SPAG17: variants seen among roughly 807,000 people sequenced by gnomAD.
SPAG17 encodes the protein sperm associated antigen 17, also known as sperm-associated antigen 17.
A neutral mutation model predicts 273.6 loss-of-function variants in SPAG17; 169 were observed. The observed-to-expected ratio is 0.62, with a 90% CI of 0.55 to 0.70. The LOEUF (loss-of-function observed/expected upper bound fraction) is 0.70, where lower values mean the gene tolerates loss of function less well. SPAG17 is among the 30% of genes least tolerant of loss of function. The pLI, the probability that SPAG17 is intolerant of heterozygous loss-of-function variation, is 0.00. For missense variants in SPAG17, 2,557 were observed against 2,627.8 expected, an observed-to-expected ratio of 0.97 and a Z score of 0.59; for synonymous variants, 825 against 873.2, an observed-to-expected ratio of 0.94 and a Z score of 0.97.
At chr1:118,140,689 C>A (rs773367490) in intron 3 of SPAG17, among the ~76,000 whole-genome samples, 10 of 152,160 alleles carry the variant, frequency 6.6e-5, no homozygotes, top group African/African-American at 2.2e-4. Flanking sequence ...CACCTGGATA[C>A]CCCCAGTGGC....
intron 3 of SPAG17, among the ~76,000 whole-genome samples, chr1:118,147,126 T>C (rs923077690): frequency 4.6e-5 from 7 of 152,208 alleles, no homozygotes; most frequent in Non-Finnish European, 8.8e-5. Context: ...CATATACATT[T>C]TGTCCTTTTT....
intron 1 of SPAG17, among the ~76,000 whole-genome samples, chr1:118,161,329 T>G (rs1337795994): frequency 1.3e-5 from 2 of 152,124 alleles, no homozygotes; most frequent in African/African-American, 2.4e-5. Flanking sequence ...AGTGGAGACC[T>G]GTCATAGGGT....
intron 20 of SPAG17, among the ~76,000 whole-genome samples, chr1:118,043,113 C>T (rs1038677597): frequency 3.2e-4 from 48 of 151,992 alleles, no homozygotes; most frequent in African/African-American, 1.1e-3. Flanking sequence ...AAAACATGCT[C>T]AAATAAATAA....
chr1:117,957,366 C>T (rs1437958444), intron 48 of SPAG17, among the ~76,000 whole-genome samples: 1 of 152,154 alleles, frequency 6.6e-6, no homozygotes, highest in African/African-American at 2.4e-5. Flanking sequence ...TGCTTGAGCC[C>T]AGAAGTTTGC....
intron 25 of SPAG17, among the ~76,000 whole-genome samples, chr1:118,029,531 T>A (rs1157128971): frequency 6.6e-6 from 1 of 152,210 alleles, no homozygotes; most frequent in African/African-American, 2.4e-5. Flanking sequence ...ACATACTGCT[T>A]TTGTAGCAAA....
chr1:118,076,088 T>G (rs943311599), intron 15 of SPAG17, among the ~76,000 whole-genome samples: 1 of 152,054 alleles, frequency 6.6e-6, no homozygotes, highest in African/African-American at 2.4e-5. Flanking sequence ...TCAGTAAATA[T>G]TTCCTTTTGA....
At chr1:118,179,141 A>G (rs1570837957) in intron 1 of SPAG17, among the ~76,000 whole-genome samples, 1 of 152,102 alleles carries the variant, frequency 6.6e-6, no homozygotes, top group Non-Finnish European at 1.5e-5. Flanking sequence ...CAGGAGAACC[A>G]AAGGATTCTT....
intron 18 of SPAG17, among the ~76,000 whole-genome samples, chr1:118,056,200 G>A (rs1651655836): frequency 6.6e-6 from 1 of 152,094 alleles, no homozygotes; most frequent in Non-Finnish European, 1.5e-5. Context: ...TCTTTCCACT[G>A]AAGTGAAGGA....
rs187679318 is a variant in SPAG17, at chr1:118,035,025, C to T, written c.3433+1745G>A. ...GGATACTAAATTATGTTTAGCTGTG[C>T]CTACCCAATTAAAGGGGGAGAACTG... On this transcript the variant is annotated intron_variant, in intron 24 of 48. Coordinates refer to ENST00000336338, the MANE Select transcript of SPAG17 (RefSeq NM_206996.4). Among the ~76,000 whole-genome samples the T allele has an allele frequency of 1.4e-3, 206 of 152,088 alleles. 2 individuals are homozygous for T. The highest frequency in any genetic ancestry group is 3.4e-3 in the Middle Eastern group (1 of 294).
At chr1:118,116,339 T>G (rs1935995) in intron 3 of SPAG17, among the ~76,000 whole-genome samples, 9,340 of 152,284 alleles carry the variant, frequency 0.061, 447 homozygotes, top group East Asian at 0.26. Context: ...AGTTGAAGTA[T>G]TTTTTGACTT....
chr1:118,135,723 G>A (rs1480664266), intron 3 of SPAG17, among the ~76,000 whole-genome samples: 3 of 152,134 alleles, frequency 2.0e-5, no homozygotes, highest in African/African-American at 7.2e-5. Flanking sequence ...AAATTTCTGA[G>A]GCCAAATGTG....
In SPAG17 at chr1:117,970,131, G is replaced by A; in HGVS notation, c.6327-15C>T. 6.2e-7 allele frequency: 1 copy of A among 1,606,660 alleles called. No individual in the cohort carries two copies. Among genetic ancestry groups the A allele is most frequent in the East Asian group, 2.2e-5 (1 of 44,800 alleles). On this transcript the variant is annotated splice_polypyrimidine_tract_variant and intron_variant, in intron 45 of 48. Coordinates refer to ENST00000336338, the MANE Select transcript of SPAG17 (RefSeq NM_206996.4). The stretch of plus-strand genomic sequence containing the variant: ...TTACTTTAAACCTACAAGGCAGAAA[G>A]ATAAAAATAAATTTATGACATAATG...
In SPAG17 at chr1:117,953,951, G is replaced by C; in HGVS notation, c.*99C>G. 2.0e-6 allele frequency: 3 copies of C among 1,465,536 alleles called. No homozygotes were observed. Among genetic ancestry groups the C allele is most frequent in the Non-Finnish European group, 2.8e-6 (3 of 1,066,074 alleles). 90.8% of individuals were successfully genotyped at this position (1,465,536 alleles called of 1,614,324 possible). On this transcript the variant is annotated 3_prime_UTR_variant, in exon 49 of 49. Coordinates refer to ENST00000336338, the MANE Select transcript of SPAG17 (RefSeq NM_206996.4). ...TCTGGTCAGTTCTTCCAGTTTCAGT[G>C]TCCTGGGATGATGGAGTATGTTGTG...
At chr1:118,035,012 A>T (rs1022052908) in intron 24 of SPAG17, among the ~76,000 whole-genome samples, 1 of 152,148 alleles carries the variant, frequency 6.6e-6, no homozygotes, top group African/African-American at 2.4e-5. Flanking sequence ...ATACTAAATT[A>T]TGTTTAGCTG....
At chr1:118,043,390 G>C (rs990756037) in intron 20 of SPAG17, among the ~76,000 whole-genome samples, 1 of 152,140 alleles carries the variant, frequency 6.6e-6, no homozygotes, top group Non-Finnish European at 1.5e-5. Context: ...GAAATTTTGT[G>C]AGCCAACTGT....
chr1:118,180,412 G>A (rs1303164760), intron 1 of SPAG17, among the ~76,000 whole-genome samples: 3 of 152,066 alleles, frequency 2.0e-5, no homozygotes, highest in Non-Finnish European at 4.4e-5. Flanking sequence ...AAGATAAAGA[G>A]TAGAGTGACA....
intron 15 of SPAG17, among the ~76,000 whole-genome samples, chr1:118,079,271 T>C (rs1654347452): frequency 6.6e-6 from 1 of 152,082 alleles, no homozygotes; most frequent in Admixed American, 6.5e-5. Flanking sequence ...TCAGGTTTTC[T>C]ATTTCTTCTT....
intron 3 of SPAG17, among the ~76,000 whole-genome samples, chr1:118,147,908 A>T (rs1488132307): frequency 6.6e-6 from 1 of 152,176 alleles, no homozygotes; most frequent in African/African-American, 2.4e-5. Context: ...CTTCTAATCA[A>T]CCACAGGCTA....
At chr1:118,024,852 TG>T (rs1647551139) in intron 27 of SPAG17, among the ~76,000 whole-genome samples, 1 of 152,214 alleles carries the variant, frequency 6.6e-6, no homozygotes, top group Non-Finnish European at 1.5e-5. Flanking sequence ...TCCATCAGTT[TG>T]ATCTCATCTG....
Sources: allele counts gnomAD v4.1 joint callset (sites outside exome capture counted in the v4.1 genomes callset), GRCh38; gene constraint gnomAD v4.1.1; transcripts MANE v1.5; gene names NCBI Gene and HGNC (gene_info 2026-07-23, HGNC 2026-07-21).